The following SAR1B variants were observed in gnomAD, a reference collection of about 807,000 sequenced individuals.
SAR1B encodes small COPII coat GTPase SAR1B.
SAR1B carries 23 observed loss-of-function variants against 26.8 expected under a neutral mutation model. The ratio of observed to expected loss-of-function variants is 0.86; its 90% CI spans 0.62 to 1.22. The LOEUF (loss-of-function observed/expected upper bound fraction) is 1.22. Among genes scored for constraint, SAR1B ranks in the 50% most tolerant of loss-of-function variants. The pLI is 0.00. For synonymous variants in SAR1B, 65 were observed against 80.8 expected (o/e 0.80, Z 1.05); for missense variants, 196 against 232.8 (o/e 0.84, Z 1.03).
At chr5:134,629,500 C>A (rs1765561537) in intron 1 of SAR1B, among the ~76,000 whole-genome samples, 1 of 152,112 alleles carries the variant, frequency 6.6e-6, no homozygotes, top group Non-Finnish European at 1.5e-5. Flanking sequence ...AGTTCAAGAC[C>A]AGCCTGACTA....
intron 4 of SAR1B, among the ~76,000 whole-genome samples, chr5:134,611,762 G>T (rs1439699294): frequency 2.0e-5 from 3 of 152,098 alleles, no homozygotes; most frequent in Non-Finnish European, 4.4e-5. Context: ...GCCTAAAGGG[G>T]TTACTCATGT....
At chr5:134,628,107 G>A (rs1765530756) in intron 1 of SAR1B, among the ~76,000 whole-genome samples, 2 of 151,778 alleles carry the variant, frequency 1.3e-5, no homozygotes, top group African/African-American at 4.8e-5. Context: ...CCACTGCACT[G>A]CACTCCAGCC....
chr5:134,625,786 T>C (rs1394854727), intron 1 of SAR1B: 1 of 152,124 alleles, frequency 6.6e-6, no homozygotes, highest in African/African-American at 2.4e-5. Flanking sequence ...CCTGGAAGAC[T>C]GGAGGGCACT....
At chr5:134,622,497 G>A (rs1157059267) in intron 2 of SAR1B, among the ~76,000 whole-genome samples, 1 of 144,012 alleles carries the variant, frequency 6.9e-6, no homozygotes, top group Non-Finnish European at 1.5e-5. Flanking sequence ...TACAACCTCC[G>A]CCTCCTGGGT....
intron 1 of SAR1B, among the ~76,000 whole-genome samples, chr5:134,626,800 T>C (rs946161545): frequency 1.3e-5 from 2 of 152,004 alleles, no homozygotes; most frequent in African/African-American, 4.8e-5. Flanking sequence ...GAAGGAAAAA[T>C]GGGGAATGAT....
At chr5:134,619,592 G>A (rs1765370819) in intron 3 of SAR1B, among the ~76,000 whole-genome samples, 1 of 151,376 alleles carries the variant, frequency 6.6e-6, no homozygotes, top group South Asian at 2.1e-4. Context: ...TTAAACTCCT[G>A]GGCTCAAGTG....
chr5:134,623,121 C>A (rs375642346), intron 2 of SAR1B, among the ~76,000 whole-genome samples: 289 of 113,666 alleles, frequency 2.5e-3, no homozygotes, highest in African/African-American at 4.0e-3. Context: ...GACTCTGTCT[C>A]AAAAAAAAAA....
rs762905490 is a variant in SAR1B, at chr5:134,606,540, TTAAGA to T, written c.*405_*409del. 1.4e-5 allele frequency: 3 copies of T among 220,844 alleles called. No individual in the cohort carries two copies. Among genetic ancestry groups the T allele is most frequent in the African/African-American group, 2.3e-5 (1 of 43,354 alleles). The allele number at this position is 220,844 out of a possible 1,614,324, so 13.7% of individuals were successfully genotyped here. ...AATAAGCTAATTATTAACTGTACACTTAAGATAGGTGGACATATAATCTAAAATTT... is the reference window on the plus strand; with the variant it reads ...AATAAGCTAATTATTAACTGTACACTTAGGTGGACATATAATCTAAAATTT... On this transcript the variant is annotated 3_prime_UTR_variant, in exon 7 of 7. Coordinates refer to ENST00000402673, the MANE Select transcript of SAR1B (RefSeq NM_016103.4).
At chr5:134,629,312 A>G (rs1187324247) in intron 1 of SAR1B, among the ~76,000 whole-genome samples, 1 of 152,162 alleles carries the variant, frequency 6.6e-6, no homozygotes, top group East Asian at 1.9e-4. Context: ...TAATCCCAGC[A>G]CTTTGGGAGG....
Position 134,623,981 on chromosome 5 carries a change from G to A in SAR1B, c.39C>T (p.Ser13=). Residue 13 remains serine, a synonymous_variant, in exon 2 of 7, where the codon AGC becomes AGT. Transcript: ENST00000402673. ...FIFDWIYSGF[S]SVLQFLGLYK... ...CATTACCTAAAAACTGTAGCACACT[G>A]CTGAAACCACTGTAAATCCAATCAA... is the stretch of plus-strand genomic sequence containing the variant. 2 of 1,610,358 alleles carry A rather than the reference G, an allele frequency of 1.2e-6. No homozygotes were observed. The highest frequency in any genetic ancestry group is 1.1e-5 in the South Asian group (1 of 91,006).
At chr5:134,623,910 AAAT>A (rs1765453330) in intron 2 of SAR1B, 49 bp downstream of exon 2, 1 of 1,223,654 alleles carries the variant, frequency 8.2e-7, no homozygotes. Context: ...AAGCACTATT[AAAT>A]AAATAAGACC....
intron 6 of SAR1B, 74 bp from the exon 7 acceptor site, chr5:134,607,140 G>A (rs1278723273): frequency 1.5e-5 from 14 of 965,508 alleles, no homozygotes; most frequent in South Asian, 5.1e-5. Context: ...AGAATTATAG[G>A]TTCTATTTTA....
intron 1 of SAR1B, among the ~76,000 whole-genome samples, chr5:134,627,845 A>AAATAAAG (rs1765523661): frequency 8.0e-6 from 1 of 125,492 alleles, no homozygotes; most frequent in South Asian, 2.9e-4. Context: ...AATAAATAAA[A>AAATAAAG]CCACACATTA....
rs1387887705 is a variant in SAR1B at position 134,607,791 on chromosome 5, C to T, written c.480+581G>A. On this transcript the variant is annotated intron_variant, in intron 6 of 6. Transcript: ENST00000402673. Reference sequence around the variant, plus strand: ...CCATCTCAAAAAAAAAAAAAAAGAGCCTCCTGCTATATGCTGCAGTATTTC... The same window carrying T: ...CCATCTCAAAAAAAAAAAAAAAGAGTCTCCTGCTATATGCTGCAGTATTTC... Among the ~76,000 whole-genome samples, 10 of 150,426 alleles carry T rather than the reference C, an allele frequency of 6.6e-5. No homozygotes were observed. The East Asian group carries it at 7.8e-4, about 12-fold the overall frequency.
chr5:134,614,334 C>T (rs964582426), intron 3 of SAR1B: 1 of 152,148 alleles, frequency 6.6e-6, no homozygotes, highest in African/African-American at 2.4e-5. Context: ...ATCTTTGTCA[C>T]ACTTGTGTCT....
chr5:134,621,581 G>A (rs1765409279), intron 2 of SAR1B, among the ~76,000 whole-genome samples: 1 of 152,190 alleles, frequency 6.6e-6, no homozygotes, highest in Admixed American at 6.5e-5. Flanking sequence ...TAGAATATGT[G>A]TTTTGCCTTA....
In SAR1B at chr5:134,612,618, C is replaced by T. The variant is rs1370102708; in HGVS notation, c.244+73G>A. The T allele has an allele frequency of 2.3e-6, 3 of 1,324,186 alleles. No homozygotes were observed. In the African/African-American group the frequency reaches 5.5e-5, roughly 24 times the overall value. 82.0% of individuals were successfully genotyped at this position (1,324,186 alleles called of 1,614,324 possible). On this transcript the variant is annotated intron_variant, in intron 4 of 6. Transcript: ENST00000402673. ...TGAGATTGCACCACTGCACTCCAGCCTGGGAGACAGAGTGAGCCTGTCTAA... is the reference window on the plus strand; with the variant it reads ...TGAGATTGCACCACTGCACTCCAGCTTGGGAGACAGAGTGAGCCTGTCTAA...
intron 4 of SAR1B, among the ~76,000 whole-genome samples, 195 bp from the exon 5 acceptor site, chr5:134,609,869 T>C (rs938734876): frequency 1.3e-5 from 2 of 151,980 alleles, no homozygotes; most frequent in African/African-American, 4.8e-5. Flanking sequence ...AGGCTTTCCT[T>C]GACTGTGGGC....
intron 3 of SAR1B, among the ~76,000 whole-genome samples, chr5:134,619,259 A>G (rs553912063): frequency 5.2e-4 from 79 of 151,250 alleles, no homozygotes; most frequent in African/African-American, 1.8e-3. Context: ...TGAACTCAGA[A>G]GGCAGAGGTT....
Sources: gnomAD v4.1 joint callset for allele counts (sites outside exome capture counted in the v4.1 genomes callset) on GRCh38, gnomAD v4.1.1 for gene constraint, MANE v1.5 for transcripts, NCBI Gene and HGNC (gene_info 2026-07-23, HGNC 2026-07-21) for gene names.